The following CEP83 variants were observed in gnomAD, a reference collection of about 807,000 sequenced individuals.
CEP83 encodes the protein centrosomal protein 83.
Under a neutral mutation model 101.9 loss-of-function variants are expected in CEP83, and 70 were observed. The observed-to-expected ratio is 0.69, with a 90% CI of 0.57 to 0.84. The LOEUF (loss-of-function observed/expected upper bound fraction) is 0.84, where lower values mean the gene tolerates loss of function less well. Ranked by LOEUF, CEP83 falls within the 40% of genes least tolerant of loss-of-function variation. CEP83 has a pLI of 0.00. For missense variants in CEP83, 715 were observed against 787.2 expected (o/e 0.91, Z 1.10); for synonymous variants, 264 against 267.9 (o/e 0.99, Z 0.14).
At chr12:94,328,807 G>A (rs1299530451) in intron 14 of CEP83, among the ~76,000 whole-genome samples, 1 of 152,180 alleles carries the variant, frequency 6.6e-6, no homozygotes, top group Non-Finnish European at 1.5e-5. Flanking sequence ...GCAGTGGAAA[G>A]AGCACCAGAC....
chr12:94,437,619 T>C (rs2066091906), intron 1 of CEP83, among the ~76,000 whole-genome samples: 1 of 152,212 alleles, frequency 6.6e-6, no homozygotes, highest in African/African-American at 2.4e-5. Flanking sequence ...AATAATTCCA[T>C]ATCTAGCAAA....
At chr12:94,455,847 A>T (rs947816645) in intron 1 of CEP83, among the ~76,000 whole-genome samples, 2 of 152,060 alleles carry the variant, frequency 1.3e-5, no homozygotes, top group African/African-American at 4.8e-5. Flanking sequence ...GAGTTCCGAG[A>T]CCAGCCTGGC....
chr12:94,348,021 A>G (rs1231950645), intron 11 of CEP83, among the ~76,000 whole-genome samples: 1 of 152,156 alleles, frequency 6.6e-6, no homozygotes, highest in East Asian at 1.9e-4. Flanking sequence ...GATCTAATAA[A>G]TAAACCAAAA....
the CEP83 span, chr12:94,294,442 C>A: frequency 1.2e-6 from 1 of 816,044 alleles, no homozygotes; most frequent in South Asian, 1.5e-5. Context: ...TTGAGAAATC[C>A]ATTAAATTTT....
chr12:94,400,365 TTGCAAA>T (rs1380088386), intron 6 of CEP83, among the ~76,000 whole-genome samples: 4 of 152,202 alleles, frequency 2.6e-5, no homozygotes, highest in African/African-American at 9.6e-5. Flanking sequence ...AACATTCCAG[TTGCAAA>T]TGGCAGAAAA....
At chr12:94,305,097 C>T, downstream of CEP83, 4 of 764,026 alleles carry the variant, frequency 5.2e-6, no homozygotes, top group Non-Finnish European at 8.9e-6. Flanking sequence ...ACAGATTTTA[C>T]CACTCACAGC....
rs1317212448 is a variant in CEP83 at position 94,308,798 on chromosome 12, T to C, written c.*15A>G. ...CCAACTTCACCTCTTTTGATCTGCC[T>C]GTTCTCCAAGAACATCATTCTCCGG... is the stretch of plus-strand genomic sequence containing the variant. On this transcript the variant is annotated 3_prime_UTR_variant, in exon 17 of 17. Coordinates refer to ENST00000397809, the MANE Select transcript of CEP83 (RefSeq NM_016122.3). 1 of 1,549,658 alleles carries C rather than the reference T, an allele frequency of 6.5e-7. No individual in the cohort carries two copies. Among genetic ancestry groups the C allele is most frequent in the Admixed American group, 1.7e-5 (1 of 59,758 alleles).
chr12:94,422,455 C>T (rs889628285), intron 2 of CEP83, among the ~76,000 whole-genome samples: 1 of 152,154 alleles, frequency 6.6e-6, no homozygotes, highest in African/African-American at 2.4e-5. Context: ...TTTTTTAGCT[C>T]CATTATAATC....
chr12:94,333,813 T>C (rs1484705484), intron 12 of CEP83, 174 bp from the exon 13 acceptor site: 2 of 585,490 alleles, frequency 3.4e-6, no homozygotes, highest in Non-Finnish European at 5.9e-6. Flanking sequence ...GCATTTCTTA[T>C]TATAATCAGA....
chr12:94,319,354 T>C (rs1056274731), intron 14 of CEP83, among the ~76,000 whole-genome samples: 1 of 152,142 alleles, frequency 6.6e-6, no homozygotes, highest in African/African-American at 2.4e-5. Flanking sequence ...GCAACTCCCG[T>C]ATTAGTTAAT....
the CEP83 span, among the ~76,000 whole-genome samples, chr12:94,288,011 G>A: frequency 2.6e-5 from 4 of 152,142 alleles, no homozygotes; most frequent in African/African-American, 4.8e-5. Context: ...GAAAGCAGGC[G>A]AAATAACCAC....
At chr12:94,451,826 G>T (rs1224616227) in intron 1 of CEP83, among the ~76,000 whole-genome samples, 4 of 152,066 alleles carry the variant, frequency 2.6e-5, no homozygotes, top group Non-Finnish European at 5.9e-5. Context: ...GAATACATAT[G>T]CTCACACAAG....
At chr12:94,363,202 T>C (rs914865361) in intron 11 of CEP83, among the ~76,000 whole-genome samples, 22 of 152,216 alleles carry the variant, frequency 1.4e-4, no homozygotes, top group African/African-American at 5.1e-4. Flanking sequence ...AAAGAACATA[T>C]GAAATGTTTG....
intron 1 of CEP83, among the ~76,000 whole-genome samples, chr12:94,453,732 T>C (rs935088212): frequency 1.3e-5 from 2 of 152,112 alleles, no homozygotes; most frequent in African/African-American, 2.4e-5. Flanking sequence ...AATGAGAAAA[T>C]AGGCCATGAA....
intron 14 of CEP83, among the ~76,000 whole-genome samples, chr12:94,321,854 T>G (rs578066761): frequency 6.6e-6 from 1 of 152,068 alleles, no homozygotes; most frequent in Non-Finnish European, 1.5e-5. Context: ...TGGGAGGACG[T>G]GCTCAGTGAG....
At chr12:94,454,378 G>C (rs150945255) in intron 1 of CEP83, among the ~76,000 whole-genome samples, 76 of 152,264 alleles carry the variant, frequency 5.0e-4, no homozygotes, top group African/African-American at 1.8e-3. Context: ...TTCTGGGTCC[G>C]GTGTGGACTT....
In CEP83 at chr12:94,333,809, C is replaced by T. The variant is rs554388141; in HGVS notation, c.1420-170G>A. On this transcript the variant is annotated intron_variant, in intron 12 of 16. Transcript: ENST00000397809. ...CAAATAGCAGCACCCAGGAGCATTT[C>T]TTATTATAATCAGAGACTATCAAGA... 7 of 588,060 alleles carry T rather than the reference C, an allele frequency of 1.2e-5. No individual in the cohort carries two copies. The East Asian group carries it at 2.1e-4, about 18-fold the overall frequency. The allele number at this position is 588,060 out of a possible 1,614,324, so 36.4% of individuals were successfully genotyped here. A position where few individuals can be genotyped will look rare whatever the true frequency, so the allele number is the denominator to read the frequency against.
chr12:94,395,156 A>G (rs938885694), intron 6 of CEP83, among the ~76,000 whole-genome samples: 2 of 152,098 alleles, frequency 1.3e-5, no homozygotes, highest in Non-Finnish European at 2.9e-5. Flanking sequence ...ATGCTACTAT[A>G]AAGACACATC....
the CEP83 span, among the ~76,000 whole-genome samples, chr12:94,273,865 C>T: frequency 3.9e-5 from 6 of 152,210 alleles, 1 homozygote; most frequent in South Asian, 1.0e-3. Flanking sequence ...GCATGACTTG[C>T]CTCTTAGAGC....
Sources: gnomAD v4.1 joint callset for allele counts (sites outside exome capture counted in the v4.1 genomes callset) on GRCh38, gnomAD v4.1.1 for gene constraint, MANE v1.5 for transcripts, NCBI Gene and HGNC (gene_info 2026-07-23, HGNC 2026-07-21) for gene names.